The following RIMKLA variants were observed in gnomAD, a reference collection of about 807,000 sequenced individuals.
RIMKLA encodes the protein N-acetylaspartylglutamate synthase A.
A neutral mutation model predicts 32.7 loss-of-function variants in RIMKLA; 14 were observed. The observed-to-expected ratio is 0.43, with a 90% CI of 0.28 to 0.67. The LOEUF is 0.67. Ranked by LOEUF, RIMKLA falls within the 30% of genes least tolerant of loss-of-function variation. The pLI is 0.18. For synonymous variants in RIMKLA, 176 were observed against 204.1 expected, an observed-to-expected ratio of 0.86 and a Z score of 1.18; for missense variants, 410 against 519.0, an observed-to-expected ratio of 0.79 and a Z score of 2.04.
chr1:42,385,722 T>A (rs1449449718), intron 1 of RIMKLA, among the ~76,000 whole-genome samples: 1 of 24,184 alleles, frequency 4.1e-5, no homozygotes, highest in African/African-American at 2.6e-4. Flanking sequence ...TCCTTCTCTT[T>A]CTTTCTTTCT....
intron 1 of RIMKLA, among the ~76,000 whole-genome samples, chr1:42,393,229 T>G (rs908130606): frequency 6.6e-6 from 1 of 152,166 alleles, no homozygotes; most frequent in Non-Finnish European, 1.5e-5. Context: ...CTGAGTGAGC[T>G]TCTACAGAAA....
intron 1 of RIMKLA, among the ~76,000 whole-genome samples, chr1:42,384,146 T>TA (rs1187548422): frequency 1.3e-5 from 2 of 152,116 alleles, no homozygotes; most frequent in African/African-American, 4.8e-5. Flanking sequence ...ATCCAGGGCT[T>TA]AGAGTTTCAG....
At position 42,386,418 on chromosome 1, in the gene RIMKLA, C is replaced by T. The variant is rs528086121; in HGVS notation, c.163+5321C>T. 2.0e-5 allele frequency among the ~76,000 whole-genome samples: 3 copies of T among 152,168 alleles called. No individual in the cohort carries two copies. In the South Asian group the frequency reaches 6.2e-4, roughly 32 times the overall value. On this transcript the variant is annotated intron_variant, in intron 1 of 4. Transcript: ENST00000431473. The stretch of plus-strand genomic sequence containing the variant: ...TGCATCTGCATATGTCAGTGTTAGC[C>T]TCACCTCACTCCAGCCGCTTCCCTG...
intron 1 of RIMKLA, among the ~76,000 whole-genome samples, chr1:42,398,383 C>A (rs183698871): frequency 6.6e-6 from 1 of 152,232 alleles, no homozygotes; most frequent in Admixed American, 6.5e-5. Flanking sequence ...TTCTAGTTTT[C>A]TTTGATATTG....
intron 2 of RIMKLA, among the ~76,000 whole-genome samples, chr1:42,399,996 C>G (rs1389835791): frequency 6.6e-6 from 1 of 152,138 alleles, no homozygotes; most frequent in Non-Finnish European, 1.5e-5. Context: ...AAGTGCAGAG[C>G]GGTGCAGGAG....
chr1:42,410,275 T>C, intron 4 of RIMKLA, 88 bp downstream of exon 4: 1 of 1,054,598 alleles, frequency 9.5e-7, no homozygotes, highest in Non-Finnish European at 1.4e-6. Flanking sequence ...TCAGACCCTC[T>C]GCTAGACACC....
chr1:42,403,697 C>T (rs1303956210), intron 2 of RIMKLA, among the ~76,000 whole-genome samples: 2 of 152,200 alleles, frequency 1.3e-5, no homozygotes, highest in Admixed American at 6.5e-5. Context: ...CTTCTAAAAA[C>T]TGAGCAGCTT....
chr1:42,403,972 G>A (rs1302143042), intron 2 of RIMKLA, among the ~76,000 whole-genome samples: 1 of 152,188 alleles, frequency 6.6e-6, no homozygotes, highest in Admixed American at 6.5e-5. Flanking sequence ...CCTGCCACAT[G>A]GCCTTCTCCA....
rs953832542 is a variant in RIMKLA, at chr1:42,415,900, A to G, written c.*926A>G. The G allele has an allele frequency of 2.6e-5, 4 of 152,190 alleles. No homozygotes were observed. Among genetic ancestry groups the G allele is most frequent in the Non-Finnish European group, 5.9e-5 (4 of 68,046 alleles). 9.4% of individuals were successfully genotyped at this position (152,190 alleles called of 1,614,324 possible). A position where few individuals can be genotyped will look rare whatever the true frequency, so the allele number is the denominator to read the frequency against. On this transcript the variant is annotated 3_prime_UTR_variant, in exon 5 of 5. Coordinates refer to ENST00000431473, the MANE Select transcript of RIMKLA (RefSeq NM_173642.4). The stretch of plus-strand genomic sequence containing the variant: ...CCCCTCCTCTACTGAAACTTTGTGT[A>G]CTGCTTAGCTGTAGGGGGTTTTCTT...
At chr1:42,382,879 CAG>C (rs1396364319) in intron 1 of RIMKLA, among the ~76,000 whole-genome samples, 3 of 151,772 alleles carry the variant, frequency 2.0e-5, no homozygotes, top group African/African-American at 7.3e-5. Flanking sequence ...TTTTTTGAGA[CAG>C]AGTTTTGGGT....
Position 42,419,869 on chromosome 1 carries a change from C to T in RIMKLA, c.*4895C>T, listed in dbSNP as rs1032224397. 1.3e-5 allele frequency: 2 copies of T among 152,214 alleles called. No individual in the cohort carries two copies. The allele number at this position is 152,214 out of a possible 1,614,324, so 9.4% of individuals were successfully genotyped here. On this transcript the variant is annotated 3_prime_UTR_variant, in exon 5 of 5. Coordinates refer to ENST00000431473, the MANE Select transcript of RIMKLA (RefSeq NM_173642.4). ...ACTGAAAGCTTATTTGGCTCCAATT[C>T]GGCTGATGTTCCCTCACTGCAGAAT... is the stretch of plus-strand genomic sequence containing the variant.
chr1:42,385,834 T>TCC (rs1553175494), intron 1 of RIMKLA, among the ~76,000 whole-genome samples: 1 of 75,568 alleles, frequency 1.3e-5, no homozygotes, highest in Non-Finnish European at 3.1e-5. Context: ...CTTCCTTTCT[T>TCC]TCTTTCTTTC....
intron 1 of RIMKLA, among the ~76,000 whole-genome samples, chr1:42,398,327 C>T (rs531824686): frequency 6.6e-6 from 1 of 152,342 alleles, no homozygotes; most frequent in South Asian, 2.1e-4. Context: ...CAGTGGAATA[C>T]AGCATCACGT....
chr1:42,385,322 A>G (rs1642926669), intron 1 of RIMKLA, among the ~76,000 whole-genome samples: 1 of 152,170 alleles, frequency 6.6e-6, no homozygotes, highest in Non-Finnish European at 1.5e-5. Flanking sequence ...TTCTTTGCCC[A>G]CCCACAGGTC....
In RIMKLA at chr1:42,415,021, A is replaced by G. The variant is rs771428033; in HGVS notation, c.*47A>G. On this transcript the variant is annotated 3_prime_UTR_variant, in exon 5 of 5. Coordinates refer to ENST00000431473, the MANE Select transcript of RIMKLA (RefSeq NM_173642.4). ...TTAAACCAAATCCTACTGCTTCCCT[A>G]GTAGTTTTGAGTGAATAAAATCTGG... 1.3e-6 allele frequency: 2 copies of G among 1,518,908 alleles called. No individual in the cohort carries two copies. The highest frequency in any genetic ancestry group is 1.8e-6 in the Non-Finnish European group (2 of 1,134,788). The allele number at this position is 1,518,908 out of a possible 1,614,324, so 94.1% of individuals were successfully genotyped here.
At chr1:42,413,738 A>C (rs1244317715) in intron 4 of RIMKLA, among the ~76,000 whole-genome samples, 1 of 150,826 alleles carries the variant, frequency 6.6e-6, no homozygotes, top group Admixed American at 6.6e-5. Flanking sequence ...TGTGGGCATT[A>C]TTATTTGTTT....
chr1:42,380,799 C>T lies in RIMKLA; in HGVS notation c.-136C>T, dbSNP rs1383310501. 3.1e-6 allele frequency: 1 copy of T among 325,036 alleles called. No homozygotes were observed. Among genetic ancestry groups the T allele is most frequent in the Non-Finnish European group, 4.6e-6 (1 of 216,586 alleles). The allele number at this position is 325,036 out of a possible 1,614,324, so 20.1% of individuals were successfully genotyped here. ...ATTCGCTGGGTCAGGGCTGCAGAGACGCCTGGCGCACCCGCGGGAGCGGAG... is the reference window on the plus strand; with the variant it reads ...ATTCGCTGGGTCAGGGCTGCAGAGATGCCTGGCGCACCCGCGGGAGCGGAG... On this transcript the variant is annotated 5_prime_UTR_variant, in exon 1 of 5. It adds an upstream start codon to the 5' untranslated region. Coordinates refer to ENST00000431473, the MANE Select transcript of RIMKLA (RefSeq NM_173642.4).
intron 3 of RIMKLA, among the ~76,000 whole-genome samples, chr1:42,407,302 G>A (rs962316790): frequency 3.9e-5 from 6 of 152,086 alleles, no homozygotes; most frequent in African/African-American, 1.4e-4. Context: ...TCTTGATATA[G>A]TATCTTTGAT....
Position 42,409,971 on chromosome 1 carries a change from TTTC to T in RIMKLA, c.482-7_482-5del. The stretch of plus-strand genomic sequence containing the variant: ...TTCTCTAACCCCTTCTCTTGCTCTT[TTTC>T]TTCTTAAAGGAAAAGCTGTTTTTCT... On this transcript the variant is annotated splice_polypyrimidine_tract_variant and intron_variant, in intron 3 of 4. Transcript: ENST00000431473. The T allele has an allele frequency of 6.2e-7, 1 of 1,611,560 alleles. No homozygotes were observed. The highest frequency in any genetic ancestry group is 8.5e-7 in the Non-Finnish European group (1 of 1,177,702).
Sources: allele counts gnomAD v4.1 joint callset (sites outside exome capture counted in the v4.1 genomes callset), GRCh38; gene constraint gnomAD v4.1.1; transcripts MANE v1.5; gene names NCBI Gene and HGNC (gene_info 2026-07-23, HGNC 2026-07-21).